Variants in COL4A5 observed in about 807,000 individuals in gnomAD.
COL4A5 encodes collagen alpha-5(IV) chain.
COL4A5 carries 26 observed loss-of-function variants against 130.2 expected under a neutral mutation model. That is an observed-to-expected ratio of 0.20 (90% CI 0.15 to 0.28). The LOEUF is 0.28. Ranked by LOEUF, COL4A5 falls within the 10% of genes least tolerant of loss-of-function variation. The pLI is 1.00. For missense variants in COL4A5, 1,131 were observed against 1,344.3 expected, an observed-to-expected ratio of 0.84 and a Z score of 2.48; for synonymous variants, 496 against 439.6, an observed-to-expected ratio of 1.13 and a Z score of -1.60.
At chrX:108,497,859 A>G (rs1003295825) in intron 1 of COL4A5, among the ~76,000 whole-genome samples, 3 of 111,341 alleles carry the variant, frequency 2.7e-5, no homozygotes, top group Admixed American at 9.6e-5. Context: ...TTCAAGCTAA[A>G]AAATGTCATT....
chrX:108,598,047 C>T (rs751653067), intron 24 of COL4A5, among the ~76,000 whole-genome samples: 49 of 109,986 alleles, frequency 4.5e-4, no homozygotes, highest in African/African-American at 1.5e-3. Context: ...AAAAATTAGC[C>T]GGGCATGGTG....
intron 37 of COL4A5, among the ~76,000 whole-genome samples, chrX:108,661,502 C>CT (rs2067956823): frequency 9.0e-6 from 1 of 111,634 alleles, no homozygotes; most frequent in African/African-American, 3.2e-5. Context: ...CCTATAGATT[C>CT]TTTAACATAT....
At chrX:108,665,772 T>G (rs1257335887) in intron 38 of COL4A5, among the ~76,000 whole-genome samples, 185 bp downstream of exon 38, 2 of 112,587 alleles carry the variant, frequency 1.8e-5, no homozygotes, top group African/African-American at 3.2e-5. Context: ...TAAAATTGGC[T>G]GGGCACAGTG....
intron 1 of COL4A5, among the ~76,000 whole-genome samples, chrX:108,529,420 G>A (rs1439195128): frequency 9.0e-6 from 1 of 110,824 alleles, no homozygotes; most frequent in Non-Finnish European, 1.9e-5. Context: ...GAAAAGAAAG[G>A]ACTGAAGCGG....
intron 42 of COL4A5, among the ~76,000 whole-genome samples, chrX:108,673,077 A>G (rs1471189579): frequency 8.9e-6 from 1 of 111,965 alleles, no homozygotes; most frequent in East Asian, 2.8e-4. Flanking sequence ...CATATAATGT[A>G]CTTTTATTGT....
At position 108,582,695 on chromosome X, in the gene COL4A5, C is replaced by CT. The variant is rs34190918; in HGVS notation, c.937-170dup. 1,684 of 240,725 alleles carry CT rather than the reference C, an allele frequency of 7.0e-3. No individual in the cohort carries two copies. Among genetic ancestry groups the CT allele is most frequent in the African/African-American group, 9.5e-3 (248 of 26,075 alleles). The allele number at this position is 240,725 out of a possible 1,213,427, so 19.8% of individuals were successfully genotyped here. Reference sequence around the variant, plus strand: ...GCTCTGAGTTCTCACCAAGATTCAGCTTTTTTTTTTTTTTTTTTTCTGAGA... The same window carrying CT: ...GCTCTGAGTTCTCACCAAGATTCAGCTTTTTTTTTTTTTTTTTTTTCTGAGA... On this transcript the variant is annotated intron_variant, in intron 16 of 52. Coordinates refer to ENST00000328300, the MANE Select transcript of COL4A5 (RefSeq NM_033380.3).
chrX:108,632,733 C>G (rs1301417056), intron 36 of COL4A5, among the ~76,000 whole-genome samples: 1 of 111,789 alleles, frequency 8.9e-6, no homozygotes, highest in African/African-American at 3.3e-5. Context: ...ACAAAAACCA[C>G]ATGATTATCT....
chrX:108,455,129 T>A (rs1449908964), intron 1 of COL4A5, among the ~76,000 whole-genome samples: 1 of 111,680 alleles, frequency 9.0e-6, no homozygotes, highest in Non-Finnish European at 1.9e-5. Flanking sequence ...TAACCACTGA[T>A]CTGCTTTCTG....
intron 47 of COL4A5, among the ~76,000 whole-genome samples, chrX:108,683,660 T>C (rs1191883675): frequency 1.1e-4 from 12 of 111,619 alleles, no homozygotes; most frequent in African/African-American, 2.0e-4. Context: ...GTAGCAATTG[T>C]GAATGGGAGT....
At chrX:108,602,747 G>A (rs755332986) in intron 27 of COL4A5, among the ~76,000 whole-genome samples, 1 of 111,733 alleles carries the variant, frequency 8.9e-6, no homozygotes, top group South Asian at 3.7e-4. Context: ...CTTCAGAAAA[G>A]CATATGTTCC....
At chrX:108,639,022 C>T (rs1298249431) in intron 36 of COL4A5, among the ~76,000 whole-genome samples, 1 of 110,961 alleles carries the variant, frequency 9.0e-6, no homozygotes, top group Non-Finnish European at 1.9e-5. Flanking sequence ...ACTCCAATGG[C>T]ATTTTTTTTT....
intron 47 of COL4A5, among the ~76,000 whole-genome samples, chrX:108,683,454 G>A (rs1348912530): frequency 2.7e-5 from 3 of 111,229 alleles, no homozygotes; most frequent in African/African-American, 9.8e-5. Flanking sequence ...GCTTGATGGG[G>A]ATAGCATTGA....
At position 108,573,210 on chromosome X, in the gene COL4A5, A is replaced by G. The variant is rs55738052; in HGVS notation, c.466-364A>G. On this transcript the variant is annotated intron_variant, in intron 8 of 52. Coordinates refer to ENST00000328300, the MANE Select transcript of COL4A5 (RefSeq NM_033380.3). ...TGATATTGTCATCTTATATTTTTAC[A>G]TATTAGGGTCTGTATTTTCCCATTA... Among the ~76,000 whole-genome samples the G allele has an allele frequency of 5.5e-3, 598 of 109,600 alleles. 1 individual carries two copies. The highest frequency in any genetic ancestry group is 0.015 in the South Asian group (39 of 2,567).
intron 33 of COL4A5, among the ~76,000 whole-genome samples, chrX:108,623,834 C>T (rs945538255): frequency 8.9e-6 from 1 of 111,944 alleles, no homozygotes; most frequent in Non-Finnish European, 1.9e-5. Context: ...TGGCTTACCC[C>T]TTGCAAGGCT....
intron 2 of COL4A5, among the ~76,000 whole-genome samples, chrX:108,543,918 C>T (rs1473791732): frequency 1.1e-4 from 12 of 111,314 alleles, no homozygotes; most frequent in African/African-American, 3.3e-4. Context: ...TTGTCTGTTA[C>T]TGGTGTATAA....
chrX:108,594,281 G>A (rs2066480033), intron 21 of COL4A5, among the ~76,000 whole-genome samples: 1 of 110,867 alleles, frequency 9.0e-6, no homozygotes, highest in Non-Finnish European at 1.9e-5. Flanking sequence ...TTTCAGATAT[G>A]TCTATAATCT....
In COL4A5 at chrX:108,526,660, CTTCTTTCTTTCTCTTTCTT is replaced by C. The variant is rs1226550091; in HGVS notation, c.82-13084_82-13066del. ...TCTTTCTTTCTTTCTTTCTTTCTTT[CTTCTTTCTTTCTCTTTCTT>C]TCTTTCTTTCTTTCTTTCTTTCTTT... is the stretch of plus-strand genomic sequence containing the variant. On this transcript the variant is annotated intron_variant, in intron 1 of 52. Coordinates refer to ENST00000328300, the MANE Select transcript of COL4A5 (RefSeq NM_033380.3). 7.1e-3 allele frequency among the ~76,000 whole-genome samples: 274 copies of C among 38,646 alleles called. 4 individuals are homozygous for C. Among genetic ancestry groups the C allele is most frequent in the African/African-American group, 0.023 (171 of 7,561 alleles). The allele number at this position is 38,646 out of a possible 115,157, so 33.6% of individuals were successfully genotyped here. A position where few individuals can be genotyped will look rare whatever the true frequency, so the allele number is the denominator to read the frequency against.
chrX:108,647,957 T>C (rs2067638189), intron 36 of COL4A5, among the ~76,000 whole-genome samples: 1 of 111,570 alleles, frequency 9.0e-6, no homozygotes, highest in Non-Finnish European at 1.9e-5. Context: ...GATAAGCTTT[T>C]TGATGTGTTG....
chrX:108,494,769 G>A (rs900228725), intron 1 of COL4A5, among the ~76,000 whole-genome samples: 7 of 111,137 alleles, frequency 6.3e-5, no homozygotes, highest in African/African-American at 2.0e-4. Flanking sequence ...CAAATTTTGC[G>A]CAGTTAACAT....
Sources: allele counts gnomAD v4.1 joint callset (sites outside exome capture counted in the v4.1 genomes callset), GRCh38; gene constraint gnomAD v4.1.1; transcripts MANE v1.5; gene names NCBI Gene and HGNC (gene_info 2026-07-23, HGNC 2026-07-21).